The following STARD13 variants were observed in gnomAD, a reference collection of about 807,000 sequenced individuals.
STARD13 encodes stAR-related lipid transfer protein 13.
A neutral mutation model predicts 106.4 loss-of-function variants in STARD13; 62 were observed. The observed-to-expected ratio is 0.58, with a 90% CI of 0.48 to 0.72. The LOEUF is 0.72. Ranked by LOEUF, STARD13 falls within the 30% of genes least tolerant of loss-of-function variation. The pLI is 0.00. For synonymous variants in STARD13, 565 were observed against 553.0 expected (o/e 1.02, Z -0.31); for missense variants, 1,387 against 1,424.0 (o/e 0.97, Z 0.42).
chr13:33,392,882 T>C, the STARD13 span, among the ~76,000 whole-genome samples: 236 of 152,348 alleles, frequency 1.5e-3, no homozygotes, highest in African/African-American at 5.5e-3. Context: ...TAAGTATTGC[T>C]GGCATGAAAA....
the STARD13 span, among the ~76,000 whole-genome samples, chr13:33,507,870 A>C: frequency 6.6e-6 from 1 of 152,088 alleles, no homozygotes; most frequent in Non-Finnish European, 1.5e-5. Context: ...ATCATCACAA[A>C]ATCTTCATCC....
the STARD13 span, among the ~76,000 whole-genome samples, chr13:33,538,604 A>G: frequency 6.6e-6 from 1 of 152,014 alleles, no homozygotes; most frequent in Non-Finnish European, 1.5e-5. Context: ...AAATACTTCC[A>G]TAAAGTAAAA....
At chr13:33,649,514 C>T in the STARD13 span, among the ~76,000 whole-genome samples, 3 of 152,198 alleles carry the variant, frequency 2.0e-5, no homozygotes, top group African/African-American at 4.8e-5. Context: ...TGTCATTTCT[C>T]TGGCTATACC....
chr13:33,657,322 A>G, the STARD13 span: 3 of 152,134 alleles, frequency 2.0e-5, no homozygotes, highest in East Asian at 3.9e-4. Flanking sequence ...TTGTCCCCCA[A>G]TACCTGATTC....
intron 1 of STARD13, among the ~76,000 whole-genome samples, chr13:33,343,152 T>C (rs1012445810): frequency 6.6e-6 from 1 of 152,148 alleles, no homozygotes; most frequent in African/African-American, 2.4e-5. Flanking sequence ...GAGTCCTTTT[T>C]CTCTCCCATG....
chr13:33,267,812 T>C (rs1204325594), intron 1 of STARD13, among the ~76,000 whole-genome samples: 2 of 152,134 alleles, frequency 1.3e-5, no homozygotes, highest in East Asian at 1.9e-4. Context: ...ATGGAAGATA[T>C]GTTGTCTCTG....
the STARD13 span, among the ~76,000 whole-genome samples, chr13:33,399,921 T>C: frequency 1.3e-5 from 2 of 152,118 alleles, no homozygotes; most frequent in African/African-American, 2.4e-5. Flanking sequence ...ACTATTCATT[T>C]TTTAATTTAA....
intron 1 of STARD13, among the ~76,000 whole-genome samples, chr13:33,312,507 C>T (rs1309614650): frequency 6.6e-6 from 1 of 152,138 alleles, no homozygotes; most frequent in Non-Finnish European, 1.5e-5. Context: ...TCTACATTTC[C>T]ACATTTGTGC....
the STARD13 span, among the ~76,000 whole-genome samples, chr13:33,631,353 C>A: frequency 1.3e-5 from 2 of 152,178 alleles, no homozygotes; most frequent in Non-Finnish European, 2.9e-5. Flanking sequence ...GAACTAAAAC[C>A]AAAATTGTCC....
At chr13:33,648,545 T>C in the STARD13 span, among the ~76,000 whole-genome samples, 95 of 152,304 alleles carry the variant, frequency 6.2e-4, no homozygotes, top group African/African-American at 2.3e-3. Context: ...GATTCCCATG[T>C]AGTAGTTTCT....
chr13:33,209,064 A>G (rs1887572981), intron 1 of STARD13, among the ~76,000 whole-genome samples: 1 of 152,208 alleles, frequency 6.6e-6, no homozygotes, highest in African/African-American at 2.4e-5. Context: ...CTAGAAGAGA[A>G]GTTTTAGACA....
intron 12 of STARD13, among the ~76,000 whole-genome samples, chr13:33,109,408 T>C (rs144806852): frequency 6.6e-6 from 1 of 152,196 alleles, no homozygotes; most frequent in East Asian, 1.9e-4. Flanking sequence ...TTTCTGAGCA[T>C]AGTAATAGCT....
chr13:33,208,185 A>G lies in STARD13; in HGVS notation c.170-40563T>C, dbSNP rs559615015. On this transcript the variant is annotated intron_variant, in intron 1 of 13. Coordinates refer to ENST00000336934, the MANE Select transcript of STARD13 (RefSeq NM_178006.4). ...TGGCACAGGTGGTCTGCAAGGGTAC[A>G]TGAAATGAAATTATCACCTAAAGCA... Among the ~76,000 whole-genome samples, 7 of 152,336 alleles carry G rather than the reference A, an allele frequency of 4.6e-5. 1 individual carries two copies. In the South Asian group the frequency reaches 1.2e-3, roughly 27 times the overall value.
At chr13:33,290,316 G>A (rs907076204), upstream of STARD13, among the ~76,000 whole-genome samples, 79 of 152,176 alleles carry the variant, frequency 5.2e-4, no homozygotes, top group African/African-American at 1.7e-3. Context: ...GGCTGCTTTC[G>A]AAATTACATG....
At position 33,126,098 on chromosome 13, in the gene STARD13, T is replaced by A; in HGVS notation, c.2065A>T (p.Ser689Cys). 6.2e-7 allele frequency: 1 copy of A among 1,614,020 alleles called. No individual in the cohort carries two copies. Among genetic ancestry groups the A allele is most frequent in the South Asian group, 1.1e-5 (1 of 91,068 alleles). ...AGCCCTACCTGATCGAGGCAGTTGC[T>A]GCGTAGATATCTCAGTGCTTGCTGA... The part of the protein sequence containing the change: ...SIQQALRYLR[S>C]NCLDQVGLFR... The change falls in exon 7 of 14, where the codon AGC (serine) becomes TGC (cysteine). Residue 689 changes from serine to cysteine, a missense_variant. Coordinates refer to ENST00000336934, the MANE Select transcript of STARD13 (RefSeq NM_178006.4).
intron 3 of STARD13, among the ~76,000 whole-genome samples, chr13:33,152,193 C>CCAAG (rs1175641584): frequency 6.6e-6 from 1 of 152,100 alleles, no homozygotes; most frequent in African/African-American, 2.4e-5. Flanking sequence ...AAGGCATGGG[C>CCAAG]CAAGGAAGGG....
the STARD13 span, among the ~76,000 whole-genome samples, chr13:33,432,151 C>T: frequency 3.3e-5 from 5 of 151,980 alleles, no homozygotes; most frequent in Admixed American, 1.3e-4. Flanking sequence ...GCAGTGTGGA[C>T]GGTCCTGGTT....
Position 33,350,354 on chromosome 13 carries a change from C to G in STARD13, c.60G>C (p.Leu20Phe). Reference sequence around the variant, plus strand: ...CCCAGGCTCTGGCCGTGGAGTCCCGCAACTGCTCACTGATGGATCTCCTGA... The same window carrying G: ...CCCAGGCTCTGGCCGTGGAGTCCCGGAACTGCTCACTGATGGATCTCCTGA... Residue 20 changes from leucine to phenylalanine, a missense_variant, in exon 1 of 2, where the codon TTG becomes TTC. Physicochemically the swap from Leu to Phe is conservative, Grantham distance 22. Coordinates refer to the STARD13 transcript ENST00000439831. The G allele has an allele frequency of 2.0e-6, 3 of 1,534,482 alleles. No individual in the cohort carries two copies. In the South Asian group the frequency reaches 3.6e-5, roughly 18 times the overall value.
the STARD13 span, among the ~76,000 whole-genome samples, chr13:33,568,336 C>T: frequency 6.8e-6 from 1 of 147,696 alleles, no homozygotes; most frequent in Non-Finnish European, 1.5e-5. Flanking sequence ...GCTTGGGTAC[C>T]CTGATGTGGT....
Sources: allele counts gnomAD v4.1 joint callset (sites outside exome capture counted in the v4.1 genomes callset), GRCh38; gene constraint gnomAD v4.1.1; transcripts MANE v1.5; gene names NCBI Gene and HGNC (gene_info 2026-07-23, HGNC 2026-07-21).